Variants in PDGFD observed in about 807,000 individuals in gnomAD.
The protein encoded by PDGFD is platelet-derived growth factor D.
A neutral mutation model predicts 44.7 loss-of-function variants in PDGFD; 30 were observed. The observed-to-expected ratio is 0.67, with a 90% CI of 0.50 to 0.91. PDGFD has a LOEUF of 0.91. Among genes scored for constraint, PDGFD ranks in the 40% least tolerant of loss-of-function variants. PDGFD has a pLI of 0.00. For missense variants in PDGFD, 445 were observed against 457.8 expected (o/e 0.97, Z 0.25); for synonymous variants, 173 against 168.4 (o/e 1.03, Z -0.21).
intron 6 of PDGFD, among the ~76,000 whole-genome samples, chr11:103,922,814 A>G (rs1422270461): frequency 6.6e-6 from 1 of 151,942 alleles, no homozygotes; most frequent in African/African-American, 2.4e-5. Flanking sequence ...TCATAGCCTC[A>G]AGGGATCATC....
chr11:103,920,177 A>G (rs903674966), intron 6 of PDGFD, among the ~76,000 whole-genome samples: 1 of 152,238 alleles, frequency 6.6e-6, no homozygotes, highest in African/African-American at 2.4e-5. Flanking sequence ...GAAGGTGACA[A>G]AAAGCTGGGT....
chr11:104,079,331 A>AT (rs1381010136), intron 1 of PDGFD, among the ~76,000 whole-genome samples: 6 of 152,246 alleles, frequency 3.9e-5, no homozygotes, highest in Admixed American at 6.5e-5. Context: ...CTTACCCTGA[A>AT]TTTTTTTAAC....
At chr11:104,022,457 T>C (rs1465597009) in intron 1 of PDGFD, among the ~76,000 whole-genome samples, 1 of 152,116 alleles carries the variant, frequency 6.6e-6, no homozygotes, top group Non-Finnish European at 1.5e-5. Context: ...TGTTTGGAAG[T>C]ATGACATTAC....
chr11:104,141,974 T>G (rs1241087984), intron 1 of PDGFD, among the ~76,000 whole-genome samples: 1 of 152,236 alleles, frequency 6.6e-6, no homozygotes, highest in Non-Finnish European at 1.5e-5. Flanking sequence ...TAGCCTGGCT[T>G]GAATTCCATT....
chr11:104,158,832 T>C (rs762460875), intron 1 of PDGFD, among the ~76,000 whole-genome samples: 1 of 151,044 alleles, frequency 6.6e-6, no homozygotes, highest in Non-Finnish European at 1.5e-5. Flanking sequence ...ATAATAGTTA[T>C]AGCAGGGGTT....
At chr11:104,125,173 A>G (rs1490200844) in intron 1 of PDGFD, among the ~76,000 whole-genome samples, 1 of 152,120 alleles carries the variant, frequency 6.6e-6, no homozygotes, top group Non-Finnish European at 1.5e-5. Flanking sequence ...AGCCTCACTG[A>G]TGGTTAGAAA....
At chr11:104,143,487 G>C (rs200660048) in intron 1 of PDGFD, among the ~76,000 whole-genome samples, 2 of 152,200 alleles carry the variant, frequency 1.3e-5, no homozygotes, top group African/African-American at 4.8e-5. Flanking sequence ...CGAAGGTCTG[G>C]TTTAAGCATC....
At position 104,045,736 on chromosome 11, in the gene PDGFD, G is replaced by T. The variant is rs260813; in HGVS notation, c.125-45481C>A. On this transcript the variant is annotated intron_variant, in intron 1 of 6. Coordinates refer to ENST00000393158, the MANE Select transcript of PDGFD (RefSeq NM_025208.5). Reference sequence around the variant, plus strand: ...AGAAGAAACACAAATAATGATGTTAGTTTCACATTTATTTCAAGTTTTCAT... The same window carrying T: ...AGAAGAAACACAAATAATGATGTTATTTTCACATTTATTTCAAGTTTTCAT... Among the ~76,000 whole-genome samples the T allele has an allele frequency of 9.9e-4, 145 of 145,878 alleles. 8 individuals carry two copies. The highest frequency in any genetic ancestry group is 3.5e-3 in the African/African-American group (140 of 40,000).
At chr11:104,109,159 C>T (rs1169226880) in intron 1 of PDGFD, among the ~76,000 whole-genome samples, 1 of 151,616 alleles carries the variant, frequency 6.6e-6, no homozygotes, top group African/African-American at 2.4e-5. Context: ...ATGTAACAAA[C>T]CTGCACGATA....
intron 1 of PDGFD, among the ~76,000 whole-genome samples, chr11:104,147,804 A>G (rs1268752857): frequency 1.3e-5 from 2 of 152,226 alleles, no homozygotes; most frequent in Admixed American, 1.3e-4. Context: ...TGTATCAAAT[A>G]CACATTACAA....
chr11:104,068,365 A>T (rs1480639911), intron 1 of PDGFD, among the ~76,000 whole-genome samples: 1 of 152,186 alleles, frequency 6.6e-6, no homozygotes, highest in Non-Finnish European at 1.5e-5. Context: ...TTTCCATTCA[A>T]GTTACAATCA....
intron 3 of PDGFD, among the ~76,000 whole-genome samples, chr11:103,969,679 T>G (rs1859075490): frequency 6.6e-6 from 1 of 151,942 alleles, no homozygotes; most frequent in South Asian, 2.1e-4. Flanking sequence ...GCAATGATTT[T>G]CATGCATTTG....
chr11:104,004,042 A>C (rs1388402884), intron 1 of PDGFD, among the ~76,000 whole-genome samples: 1 of 152,246 alleles, frequency 6.6e-6, no homozygotes. Flanking sequence ...TAACAAAGTC[A>C]ATGATATCCT....
intron 6 of PDGFD, 96 bp downstream of exon 6, chr11:103,926,816 T>C (rs546098334): frequency 1.5e-6 from 2 of 1,298,282 alleles, no homozygotes; most frequent in South Asian, 2.8e-5. Context: ...TGGGTGCCCT[T>C]GTGCAGTGAA....
intron 6 of PDGFD, among the ~76,000 whole-genome samples, chr11:103,925,740 AT>A (rs1438486481): frequency 7.9e-5 from 9 of 113,976 alleles, no homozygotes; most frequent in Non-Finnish European, 7.1e-5. Flanking sequence ...TATATATGTA[AT>A]TTTTTTTTTG....
intron 1 of PDGFD, among the ~76,000 whole-genome samples, chr11:104,043,323 G>T (rs1425155535): frequency 6.6e-6 from 1 of 152,162 alleles, no homozygotes; most frequent in African/African-American, 2.4e-5. Flanking sequence ...AACTGGTGTT[G>T]AGAGCTGCAG....
chr11:104,119,753 T>G (rs1861740047), intron 1 of PDGFD, among the ~76,000 whole-genome samples: 3 of 108,860 alleles, frequency 2.8e-5, no homozygotes, highest in Non-Finnish European at 5.0e-5. Flanking sequence ...ATATTATATA[T>G]TTATATATAA....
chr11:104,080,418 T>C (rs1204415779), intron 1 of PDGFD, among the ~76,000 whole-genome samples: 9 of 152,326 alleles, frequency 5.9e-5, no homozygotes, highest in Non-Finnish European at 1.2e-4. Flanking sequence ...TGATTCTTTC[T>C]AGAAAACAAA....
At position 104,072,509 on chromosome 11, in the gene PDGFD, C is replaced by T. The variant is rs575698016; in HGVS notation, c.125-72254G>A. 4.0e-4 allele frequency among the ~76,000 whole-genome samples: 60 copies of T among 151,870 alleles called. No homozygotes were observed. The South Asian group carries it at 0.011, about 28-fold the overall frequency. Reference sequence around the variant, plus strand: ...CTGTAAGGTTTTTCGGGTATACAATCGTATCATCTACATATAGAAATAGTT... The same window carrying T: ...CTGTAAGGTTTTTCGGGTATACAATTGTATCATCTACATATAGAAATAGTT... On this transcript the variant is annotated intron_variant, in intron 1 of 6. Transcript: ENST00000393158.
Sources: gnomAD v4.1 joint callset for allele counts (sites outside exome capture counted in the v4.1 genomes callset) on GRCh38, gnomAD v4.1.1 for gene constraint, MANE v1.5 for transcripts, NCBI Gene and HGNC (gene_info 2026-07-23, HGNC 2026-07-21) for gene names.